VPS13D: variants seen among roughly 807,000 people sequenced by gnomAD.
The protein encoded by VPS13D is intermembrane lipid transfer protein VPS13D.
VPS13D carries 187 observed loss-of-function variants against 461.9 expected under a neutral mutation model. That is an observed-to-expected ratio of 0.40 (90% CI 0.36 to 0.46). The LOEUF (loss-of-function observed/expected upper bound fraction) is 0.46, where lower values mean the gene tolerates loss of function less well. Among genes scored for constraint, VPS13D ranks in the 20% least tolerant of loss-of-function variants. VPS13D has a pLI of 0.60. For synonymous variants in VPS13D, 1,951 were observed against 1,986.3 expected (o/e 0.98, Z 0.47); for missense variants, 4,711 against 5,364.9 (o/e 0.88, Z 3.81).
chr1:12,444,632 T>C (rs1175231253), intron 65 of VPS13D, among the ~76,000 whole-genome samples: 1 of 152,222 alleles, frequency 6.6e-6, no homozygotes. Flanking sequence ...TCTAGTTTGC[T>C]AATTCTGTCG....
At position 12,304,745 on chromosome 1, in the gene VPS13D, G is replaced by A. The variant is rs775636312; in HGVS notation, c.6439+17G>A. ...GTAGTCCAGGTAAAAGAGGAGAAAAGCAACATAATACTGAAGGTGGGGAAA... is the reference window on the plus strand; with the variant it reads ...GTAGTCCAGGTAAAAGAGGAGAAAAACAACATAATACTGAAGGTGGGGAAA... On this transcript the variant is annotated intron_variant, in intron 26 of 69. Coordinates refer to ENST00000620676, the MANE Select transcript of VPS13D (RefSeq NM_015378.4). 5.0e-6 allele frequency: 8 copies of A among 1,613,000 alleles called. No homozygotes were observed. The Admixed American group carries it at 5.0e-5, about 10-fold the overall frequency.
chr1:12,442,079 G>A (rs139997723), intron 65 of VPS13D, among the ~76,000 whole-genome samples: 1 of 152,056 alleles, frequency 6.6e-6, no homozygotes, highest in African/African-American at 2.4e-5. Context: ...TATTTATCCT[G>A]TATATTGGTA....
chr1:12,478,551 C>T, intron 67 of VPS13D: 1 of 338,074 alleles, frequency 3.0e-6, no homozygotes, highest in South Asian at 2.4e-5. Context: ...GTTTAACCCT[C>T]TCACACTGCA....
Position 12,318,272 on chromosome 1 carries a change from T to G in VPS13D, c.7349T>G (p.Val2450Gly), listed in dbSNP as rs1642942135. The G allele has an allele frequency of 6.2e-7, 1 of 1,614,030 alleles. No homozygotes were observed. Among genetic ancestry groups the G allele is most frequent in the Non-Finnish European group, 8.5e-7 (1 of 1,179,866 alleles). ...CCCAAAACTGTGAAGAGTGGAGTAG[T>G]TACCAAGCGGTCTTCCCTTCCTGTG... ...IVPKTVKSGV[V>G]TKRSSLPVSN... The change falls in exon 31 of 70, where the codon GTT becomes GGT. Residue 2450 changes from valine (V) to glycine (G), a missense_variant. Coordinates refer to ENST00000620676, the MANE Select transcript of VPS13D (RefSeq NM_015378.4).
intron 68 of VPS13D, among the ~76,000 whole-genome samples, 179 bp from the exon 69 acceptor site, chr1:12,506,674 A>T (rs1355257610): frequency 6.6e-6 from 1 of 152,276 alleles, no homozygotes; most frequent in East Asian, 1.9e-4. Flanking sequence ...CTATCCAAAA[A>T]TGCTCACAGA....
At position 12,505,678 on chromosome 1, in the gene VPS13D, A is replaced by G. The variant is rs1041345347; in HGVS notation, c.12795-1175A>G. Among the ~76,000 whole-genome samples, 1 of 152,204 alleles carries G rather than the reference A, an allele frequency of 6.6e-6. No homozygotes were observed. Among genetic ancestry groups the G allele is most frequent in the Non-Finnish European group, 1.5e-5 (1 of 68,034 alleles). On this transcript the variant is annotated intron_variant, in intron 68 of 69. Coordinates refer to ENST00000620676, the MANE Select transcript of VPS13D (RefSeq NM_015378.4). The surrounding 1 kb of genome is among the most constrained non-coding windows in gnomAD (Gnocchi z 4.2). Reference sequence around the variant, plus strand: ...GGAAAGAATGAGTTTGTGCTTGGCCATGCTTTGGGGGCCATCACAATTAAA... The same window carrying G: ...GGAAAGAATGAGTTTGTGCTTGGCCGTGCTTTGGGGGCCATCACAATTAAA...
chr1:12,386,434 G>A (rs968608481), intron 60 of VPS13D, 100 bp downstream of exon 60: 3 of 1,342,126 alleles, frequency 2.2e-6, no homozygotes, highest in Non-Finnish European at 2.0e-6. Flanking sequence ...TGTTTTGGAG[G>A]AAATATCTTG....
In VPS13D at chr1:12,277,377, T is replaced by A; in HGVS notation, c.3789T>A (p.Asp1263Glu). 1 of 1,614,236 alleles carries A rather than the reference T, an allele frequency of 6.2e-7. No homozygotes were observed. Among genetic ancestry groups the A allele is most frequent in the Non-Finnish European group, 8.5e-7 (1 of 1,180,038 alleles). ...AATCTGTGTTTGTCAGAATGGAAGATGCAGCCCTCACTGAAGCTTTGAGTT... is the reference window on the plus strand; with the variant it reads ...AATCTGTGTTTGTCAGAATGGAAGAAGCAGCCCTCACTGAAGCTTTGAGTT... The part of the protein sequence containing the change: ...YFESVFVRME[D>E]AALTEALSFT... Residue 1263 changes from aspartate (D) to glutamate (E), a missense_variant, in exon 19 of 70, where the codon GAT (aspartate) becomes GAA (glutamate). By Grantham distance (45) the Asp-to-Glu change is conservative. Coordinates refer to ENST00000620676, the MANE Select transcript of VPS13D (RefSeq NM_015378.4).
At chr1:12,237,091 ATATGTGTG>A (rs1285186234) in intron 2 of VPS13D, among the ~76,000 whole-genome samples, 2 of 151,426 alleles carry the variant, frequency 1.3e-5, no homozygotes, top group Non-Finnish European at 2.9e-5. Flanking sequence ...ATGTATATAT[ATATGTGTG>A]TATGTGTGTA....
intron 26 of VPS13D, among the ~76,000 whole-genome samples, chr1:12,307,447 G>A (rs1366952625): frequency 6.6e-6 from 1 of 152,054 alleles, no homozygotes; most frequent in Non-Finnish European, 1.5e-5. Flanking sequence ...GAAGGCAGTG[G>A]GCTTGTGCAG....
chr1:12,340,273 G>A (rs1643539466), intron 40 of VPS13D, among the ~76,000 whole-genome samples: 1 of 152,126 alleles, frequency 6.6e-6, no homozygotes, highest in Admixed American at 6.5e-5. Flanking sequence ...ATCTTTAGAT[G>A]TATTTGGGGT....
intron 5 of VPS13D, among the ~76,000 whole-genome samples, chr1:12,247,489 A>AT (rs1640591302): frequency 1.3e-5 from 2 of 152,124 alleles, no homozygotes; most frequent in South Asian, 4.2e-4. Flanking sequence ...AAAGAAAAAA[A>AT]TTAAAAAAAA....
chr1:12,267,616 T>C (rs1405121634), intron 14 of VPS13D, among the ~76,000 whole-genome samples: 2 of 152,178 alleles, frequency 1.3e-5, no homozygotes, highest in African/African-American at 4.8e-5. Context: ...TCATTAAATG[T>C]GCCGAGTGCA....
rs911468627 is a variant in VPS13D, at chr1:12,495,815, C to A, written c.12663-1685C>A. Among the ~76,000 whole-genome samples, 1 of 152,152 alleles carries A rather than the reference C, an allele frequency of 6.6e-6. No individual in the cohort carries two copies. The highest frequency in any genetic ancestry group is 2.4e-5 in the African/African-American group (1 of 41,428). ...CCCTGGGGAAAGGATACTTTATTAG[C>A]CTGTGTAGGCAGTTATTGGAATGAC... On this transcript the variant is annotated intron_variant, in intron 67 of 69. Coordinates refer to ENST00000620676, the MANE Select transcript of VPS13D (RefSeq NM_015378.4). This position sits in a 1 kb window ranked among gnomAD's most constrained non-coding sequence, Gnocchi z 4.0.
At chr1:12,351,198 C>T (rs907163159) in intron 46 of VPS13D, among the ~76,000 whole-genome samples, 1 of 152,202 alleles carries the variant, frequency 6.6e-6, no homozygotes, top group Non-Finnish European at 1.5e-5. Context: ...ATGAGGCCAA[C>T]ATATCCCTAA....
chr1:12,424,968 A>G (rs1044849246), intron 65 of VPS13D, among the ~76,000 whole-genome samples: 1 of 152,164 alleles, frequency 6.6e-6, no homozygotes, highest in African/African-American at 2.4e-5. Context: ...CATGTGTTCA[A>G]GCTTTCTTAG....
At chr1:12,428,508 CAG>C (rs1210234738) in intron 65 of VPS13D, among the ~76,000 whole-genome samples, 1 of 152,214 alleles carries the variant, frequency 6.6e-6, no homozygotes, top group Non-Finnish European at 1.5e-5. Flanking sequence ...GAGAACATGA[CAG>C]AGAGTGGACT....
intron 60 of VPS13D, among the ~76,000 whole-genome samples, chr1:12,391,975 G>A (rs553849705): frequency 4.1e-4 from 62 of 151,952 alleles, no homozygotes; most frequent in African/African-American, 1.4e-3. Context: ...ATCCTCCCAC[G>A]TCAGCCTCCC....
intron 20 of VPS13D, among the ~76,000 whole-genome samples, chr1:12,282,047 T>A (rs1457643777): frequency 6.6e-6 from 1 of 151,978 alleles, no homozygotes; most frequent in East Asian, 1.9e-4. Context: ...GCCACCACAC[T>A]CTGCTAATTT....
Sources: allele counts gnomAD v4.1 joint callset (sites outside exome capture counted in the v4.1 genomes callset), GRCh38; gene constraint gnomAD v4.1.1; non-coding constraint Gnocchi (gnomAD v3.1); transcripts MANE v1.5; gene names NCBI Gene and HGNC (gene_info 2026-07-23, HGNC 2026-07-21).